Variants in MEPCE observed in about 807,000 individuals in gnomAD.
The protein encoded by MEPCE is methylphosphate capping enzyme.
MEPCE carries 9 observed loss-of-function variants against 52.3 expected under a neutral mutation model. The observed-to-expected ratio is 0.17, with a 90% CI of 0.10 to 0.30. The LOEUF (loss-of-function observed/expected upper bound fraction) is 0.30. MEPCE is among the 10% of genes least tolerant of loss of function. MEPCE has a pLI of 1.00. For synonymous variants in MEPCE, 477 were observed against 401.6 expected (o/e 1.19, Z -2.25); for missense variants, 826 against 933.0 (o/e 0.89, Z 1.49).
chr7:100,431,125 C>T lies in MEPCE; in HGVS notation c.1107C>T (p.Ser369=), dbSNP rs748178007. Residue 369 remains serine, a synonymous_variant, in exon 1 of 4, where the codon TCC becomes TCT. Transcript: ENST00000310512. ...SSRHRKRRRT[S]SKSEAGARGG... Reference sequence around the variant, plus strand: ...GACATCGCAAACGTCGCAGGACTTCCAGCAAGTCGGAGGCAGGGGCTAGGG... The same window carrying T: ...GACATCGCAAACGTCGCAGGACTTCTAGCAAGTCGGAGGCAGGGGCTAGGG... 1.2e-6 allele frequency: 2 copies of T among 1,613,756 alleles called. No individual in the cohort carries two copies. The highest frequency in any genetic ancestry group is 1.7e-5 in the Admixed American group (1 of 60,018).
At position 100,430,150 on chromosome 7, in the gene MEPCE, C is replaced by G. The variant is rs1370267423; in HGVS notation, c.132C>G (p.Arg44=). ...PHQEAASGEL[R]GGTERGPGRC... is the part of the protein sequence containing the mutation. Reference sequence around the variant, plus strand: ...AAGAGGCCGCCTCTGGGGAGCTCCGCGGCGGGACGGAGCGTGGTCCGGGTC... The same window carrying G: ...AAGAGGCCGCCTCTGGGGAGCTCCGGGGCGGGACGGAGCGTGGTCCGGGTC... Residue 44 remains arginine (R), a synonymous_variant, in exon 1 of 4, where the codon CGC becomes CGG. Transcript: ENST00000310512. 7.8e-7 allele frequency: 1 copy of G among 1,285,606 alleles called. No homozygotes were observed. Among genetic ancestry groups the G allele is most frequent in the Admixed American group, 4.2e-5 (1 of 24,078 alleles). The allele number at this position is 1,285,606 out of a possible 1,614,324, so 79.6% of individuals were successfully genotyped here.
upstream of MEPCE, chr7:100,429,128 C>T (rs1188355714): frequency 2.6e-5 from 4 of 152,244 alleles, no homozygotes; most frequent in Non-Finnish European, 5.9e-5. Flanking sequence ...TCCGCTCCCT[C>T]GGAAGCGCTT....
Position 100,433,678 on chromosome 7 carries a change from G to A in MEPCE, c.*124G>A. The A allele has an allele frequency of 9.9e-7, 1 of 1,008,012 alleles. No homozygotes were observed. Among genetic ancestry groups the A allele is most frequent in the Non-Finnish European group, 1.5e-6 (1 of 679,414 alleles). The allele number at this position is 1,008,012 out of a possible 1,614,324, so 62.4% of individuals were successfully genotyped here. Reference sequence around the variant, plus strand: ...AAAAATAGTTTCCTTTCTTGGATCTGCAAAGAAAGCTTTTCTTCCGTCGCT... The same window carrying A: ...AAAAATAGTTTCCTTTCTTGGATCTACAAAGAAAGCTTTTCTTCCGTCGCT... On this transcript the variant is annotated 3_prime_UTR_variant, in exon 4 of 4. Transcript: ENST00000310512.
chr7:100,432,861 T>G, intron 1 of MEPCE, 58 bp from the exon 2 acceptor site: 1 of 1,533,676 alleles, frequency 6.5e-7, no homozygotes, highest in Non-Finnish European at 9.0e-7. Context: ...GCAGGTTGCC[T>G]GGGAGCAGGG....
chr7:100,430,166 G>C lies in MEPCE; in HGVS notation c.148G>C (p.Gly50Arg). ...GGAGCTCCGCGGCGGGACGGAGCGT[G>C]GTCCGGGTCGTTGCGCGCCATCTGC... ...SGELRGGTERGPGRCAPSAGS... is the reference protein window; with the variant it reads ...SGELRGGTERRPGRCAPSAGS... Residue 50 changes from glycine (G) to arginine (R), a missense_variant, in exon 1 of 4, where the codon GGT becomes CGT. This residue lies in a region of MEPCE where 314 missense variants were observed against 277.7 expected (regional missense o/e 1.13). Transcript: ENST00000310512. The C allele has an allele frequency of 7.7e-7, 1 of 1,290,772 alleles. No homozygotes were observed. The highest frequency in any genetic ancestry group is 9.8e-7 in the Non-Finnish European group (1 of 1,021,042). 80.0% of individuals were successfully genotyped at this position (1,290,772 alleles called of 1,614,324 possible). A position where few individuals can be genotyped will look rare whatever the true frequency, so the allele number is the denominator to read the frequency against.
rs370720772 is a variant in MEPCE at position 100,431,015 on chromosome 7, C to T, written c.997C>T (p.Pro333Ser). Residue 333 changes from proline to serine, a missense_variant, in exon 1 of 4, where the codon CCA becomes TCA. Transcript: ENST00000310512. The part of the protein sequence containing the change: ...NCRDEVVSPL[P>S]SALQGPSGSL... ...CAGGGATGAAGTGGTGTCTCCCCTTCCATCTGCTCTGCAGGGTCCCTCAGG... is the reference window on the plus strand; with the variant it reads ...CAGGGATGAAGTGGTGTCTCCCCTTTCATCTGCTCTGCAGGGTCCCTCAGG... 24 of 1,613,754 alleles carry T rather than the reference C, an allele frequency of 1.5e-5. No individual in the cohort carries two copies. The highest frequency in any genetic ancestry group is 1.5e-5 in the Non-Finnish European group (18 of 1,179,986).
chr7:100,433,636 C>CTTTCCTTTCTGACTCCAAAAATAG lies in MEPCE; in HGVS notation c.*93_*116dup. ...GGGGAAGAGGAAAGTGTCCCAAGGTCTTTCCTTTCTGACTCCAAAAATAGT... is the reference window on the plus strand; with the variant it reads ...GGGGAAGAGGAAAGTGTCCCAAGGTCTTTCCTTTCTGACTCCAAAAATAGTTTCCTTTCTGACTCCAAAAATAGT... On this transcript the variant is annotated 3_prime_UTR_variant, in exon 4 of 4. Coordinates refer to ENST00000310512, the MANE Select transcript of MEPCE (RefSeq NM_019606.6). 1 of 1,369,208 alleles carries CTTTCCTTTCTGACTCCAAAAATAG rather than the reference C, an allele frequency of 7.3e-7. No individual in the cohort carries two copies. The highest frequency in any genetic ancestry group is 1.0e-6 in the Non-Finnish European group (1 of 980,078). The allele number at this position is 1,369,208 out of a possible 1,614,324, so 84.8% of individuals were successfully genotyped here. A position where few individuals can be genotyped will look rare whatever the true frequency, so the allele number is the denominator to read the frequency against.
Position 100,433,418 on chromosome 7 carries a change from C to T in MEPCE, c.2017+29C>T, listed in dbSNP as rs762118139. On this transcript the variant is annotated intron_variant, in intron 3 of 3. Transcript: ENST00000310512. ...AGGCTGGTTTATTTTGTCAGGGAGGCTGGTCCTGGCTGAAAGAGTGCAGAC... is the reference window on the plus strand; with the variant it reads ...AGGCTGGTTTATTTTGTCAGGGAGGTTGGTCCTGGCTGAAAGAGTGCAGAC... The T allele has an allele frequency of 4.3e-6, 7 of 1,614,120 alleles. No individual in the cohort carries two copies. In the Admixed American group the frequency reaches 1.2e-4, roughly 27 times the overall value.
chr7:100,433,551 C>T lies in MEPCE; in HGVS notation c.2067C>T (p.His689=), dbSNP rs758997054. 6 of 1,612,406 alleles carry T rather than the reference C, an allele frequency of 3.7e-6. No individual in the cohort carries two copies. The highest frequency in any genetic ancestry group is 5.1e-6 in the Non-Finnish European group (6 of 1,180,006). The part of the protein sequence containing the change: ...YLFHKARSPS[H] ...TCCACAAGGCCCGATCCCCCAGCCA[C>T]TAAGTGGCCCCCTAAACAGAAAGTG... Residue 689 remains histidine (H), a synonymous_variant, in exon 4 of 4, where the codon CAC becomes CAT. Coordinates refer to ENST00000310512, the MANE Select transcript of MEPCE (RefSeq NM_019606.6).
chr7:100,431,839 T>G, intron 1 of MEPCE, 150 bp downstream of exon 1: 1 of 743,964 alleles, frequency 1.3e-6, no homozygotes, highest in Non-Finnish European at 2.1e-6. Context: ...TCCCCTCTTA[T>G]AACCTGGAAA....
In MEPCE at chr7:100,433,048, C is replaced by T. The variant is rs763124873; in HGVS notation, c.1801C>T (p.Arg601Cys). ...AGACGAGGGCCTGAAGCGCATGTTT[C>T]GCCGGATCTACCGGCACCTACGCCC... ...WGDEGLKRMFRRIYRHLRPGG... is the reference protein window; with the variant it reads ...WGDEGLKRMFCRIYRHLRPGG... The change falls in exon 2 of 4, where the codon CGC (arginine) becomes TGC (cysteine). Residue 601 changes from arginine (R) to cysteine (C), a missense_variant. Around this residue, in one of 7 missense-constraint regions of MEPCE, gnomAD observed 82 missense variants for 121.4 expected, o/e 0.68. Coordinates refer to ENST00000310512, the MANE Select transcript of MEPCE (RefSeq NM_019606.6). The T allele has an allele frequency of 3.7e-6, 6 of 1,613,926 alleles. No homozygotes were observed. Among genetic ancestry groups the T allele is most frequent in the African/African-American group, 1.3e-5 (1 of 74,928 alleles).
rs1413092492 is a variant in MEPCE at position 100,429,983 on chromosome 7, C to T, written c.-36C>T. The stretch of plus-strand genomic sequence containing the variant: ...GGGGGGGTTAGGCCCCCTGATCCCC[C>T]TCGTTACCCCGACTGGCACGGAATA... On this transcript the variant is annotated 5_prime_UTR_variant, in exon 1 of 4. Transcript: ENST00000310512. The T allele has an allele frequency of 2.4e-6, 3 of 1,239,886 alleles. No homozygotes were observed. The highest frequency in any genetic ancestry group is 2.2e-4 in the Middle Eastern group (1 of 4,508). The allele number at this position is 1,239,886 out of a possible 1,614,324, so 76.8% of individuals were successfully genotyped here.
chr7:100,431,660 G>T lies in MEPCE; in HGVS notation c.1642G>T (p.Val548Phe). 6 of 1,599,540 alleles carry T rather than the reference G, an allele frequency of 3.8e-6. No homozygotes were observed. Among genetic ancestry groups the T allele is most frequent in the Non-Finnish European group, 5.1e-6 (6 of 1,177,682 alleles). ...QVPLDGADTS[V>F]FPNNVVFVTG... is the part of the protein sequence containing the mutation. ...GCCCTTGGATGGAGCGGACACATCA[G>T]TCTTCCCCAACAATGTTGTCTTCGT... is the stretch of plus-strand genomic sequence containing the variant. Residue 548 changes from valine (V) to phenylalanine (F), a missense_variant, in exon 1 of 4, where the codon GTC becomes TTC. Val to Phe is a conservative substitution (Grantham distance 50). Coordinates refer to ENST00000310512, the MANE Select transcript of MEPCE (RefSeq NM_019606.6).
Position 100,429,931 on chromosome 7 carries a change from A to G in MEPCE, c.-88A>G. 9.5e-7 allele frequency: 1 copy of G among 1,053,474 alleles called. No homozygotes were observed. Among genetic ancestry groups the G allele is most frequent in the Non-Finnish European group, 1.2e-6 (1 of 826,466 alleles). The allele number at this position is 1,053,474 out of a possible 1,614,324, so 65.3% of individuals were successfully genotyped here. On this transcript the variant is annotated 5_prime_UTR_variant, in exon 1 of 4. Transcript: ENST00000310512. ...GCAGAGCTGCGCGCGCACTCGGGAA[A>G]GGGGGGAAGGGAGCAGGGTCCAGGC...
At position 100,429,861 on chromosome 7, in the gene MEPCE, C is replaced by A. The variant is rs1055674157; in HGVS notation, c.-158C>A. ...GTTTTGGTCTCGCGGGCTAGTAGGG[C>A]GCACTTGGCGGGGAGGCGCTTGGGC... On this transcript the variant is annotated 5_prime_UTR_variant, in exon 1 of 4. Transcript: ENST00000310512. The A allele has an allele frequency of 3.7e-6, 2 of 541,550 alleles. No individual in the cohort carries two copies. The highest frequency in any genetic ancestry group is 5.6e-6 in the Non-Finnish European group (2 of 358,320). 33.5% of individuals were successfully genotyped at this position (541,550 alleles called of 1,614,324 possible).
Position 100,433,636 on chromosome 7 carries a change from C to T in MEPCE, c.*82C>T, listed in dbSNP as rs1050409841. On this transcript the variant is annotated 3_prime_UTR_variant, in exon 4 of 4. Transcript: ENST00000310512. ...GGGGAAGAGGAAAGTGTCCCAAGGTCTTTCCTTTCTGACTCCAAAAATAGT... is the reference window on the plus strand; with the variant it reads ...GGGGAAGAGGAAAGTGTCCCAAGGTTTTTCCTTTCTGACTCCAAAAATAGT... 2.9e-6 allele frequency: 4 copies of T among 1,369,090 alleles called. No homozygotes were observed. Among genetic ancestry groups the T allele is most frequent in the Non-Finnish European group, 4.1e-6 (4 of 980,086 alleles). The allele number at this position is 1,369,090 out of a possible 1,614,324, so 84.8% of individuals were successfully genotyped here.
In MEPCE at chr7:100,430,351, C is replaced by T. The variant is rs745693430; in HGVS notation, c.333C>T (p.Asp111=). Residue 111 remains aspartate, a synonymous_variant, in exon 1 of 4, where the codon GAC becomes GAT. Transcript: ENST00000310512. ...SDPPGRAAPP[D]VGEERRGGGG... ...CCCCGGGGCGAGCCGCTCCCCCGGA[C>T]GTGGGGGAGGAGCGCCGGGGAGGGG... is the stretch of plus-strand genomic sequence containing the variant. The T allele has an allele frequency of 2.8e-6, 4 of 1,430,974 alleles. No individual in the cohort carries two copies. The highest frequency in any genetic ancestry group is 1.5e-5 in the South Asian group (1 of 68,124). The allele number at this position is 1,430,974 out of a possible 1,614,324, so 88.6% of individuals were successfully genotyped here.
chr7:100,429,927 G>A lies in MEPCE; in HGVS notation c.-92G>A, dbSNP rs1584320116. 9.5e-7 allele frequency: 1 copy of A among 1,050,900 alleles called. No individual in the cohort carries two copies. Among genetic ancestry groups the A allele is most frequent in the East Asian group, 3.2e-5 (1 of 30,852 alleles). 65.1% of individuals were successfully genotyped at this position (1,050,900 alleles called of 1,614,324 possible). A position where few individuals can be genotyped will look rare whatever the true frequency, so the allele number is the denominator to read the frequency against. ...AAGAGCAGAGCTGCGCGCGCACTCG[G>A]GAAAGGGGGGAAGGGAGCAGGGTCC... On this transcript the variant is annotated 5_prime_UTR_variant, in exon 1 of 4. Transcript: ENST00000310512.
At chr7:100,429,629 A>G (rs1162198843), upstream of MEPCE, 2 of 172,498 alleles carry the variant, frequency 1.2e-5, no homozygotes, top group Non-Finnish European at 2.4e-5. Flanking sequence ...TGGGGGGGTT[A>G]TATTTAAACT....
Sources: allele counts gnomAD v4.1 joint callset, GRCh38; gene constraint gnomAD v4.1.1; regional missense constraint gnomAD v4.1.1; transcripts MANE v1.5; gene names NCBI Gene and HGNC (gene_info 2026-07-23, HGNC 2026-07-21).